Variants in GUCY1A2 observed in about 807,000 individuals in gnomAD.
The protein encoded by GUCY1A2 is guanylate cyclase soluble subunit alpha-2.
Under a neutral mutation model 63.5 loss-of-function variants are expected in GUCY1A2, and 27 were observed. The ratio of observed to expected loss-of-function variants is 0.43; its 90% CI spans 0.31 to 0.59. The LOEUF (loss-of-function observed/expected upper bound fraction) is 0.59, where lower values mean the gene tolerates loss of function less well. Among genes scored for constraint, GUCY1A2 ranks in the 20% least tolerant of loss-of-function variants. The probability of loss-of-function intolerance (pLI) is 0.11; values close to 1 mark genes in which losing one functional copy is unlikely to be tolerated. For missense variants in GUCY1A2, 768 were observed against 913.3 expected, an observed-to-expected ratio of 0.84 and a Z score of 2.05; for synonymous variants, 364 against 343.5, an observed-to-expected ratio of 1.06 and a Z score of -0.66.
chr11:106,865,806 A>G (rs150972703), intron 4 of GUCY1A2, among the ~76,000 whole-genome samples: 1,611 of 151,934 alleles, frequency 0.011, 23 homozygotes, highest in African/African-American at 0.035. Flanking sequence ...TAATAATAAT[A>G]ATAATAAAAA....
At chr11:106,828,372 G>C (rs558124654) in intron 4 of GUCY1A2, among the ~76,000 whole-genome samples, 1 of 151,806 alleles carries the variant, frequency 6.6e-6, no homozygotes, top group Non-Finnish European at 1.5e-5. Flanking sequence ...GTTGATTTTT[G>C]ATTATGATGA....
Position 106,680,101 on chromosome 11 carries a change from A to T in GUCY1A2, c.*7448T>A, listed in dbSNP as rs927028112. ...CTACATCTTCCTGAATAAAAAACTA[A>T]CTCTCTTTGCTTCATCTCTTCTAAA... On this transcript the variant is annotated 3_prime_UTR_variant, in exon 8 of 8. Coordinates refer to ENST00000526355, the MANE Select transcript of GUCY1A2 (RefSeq NM_000855.3). 3 of 215,466 alleles carry T rather than the reference A, an allele frequency of 1.4e-5. No individual in the cohort carries two copies. In the Admixed American group the frequency reaches 1.8e-4, roughly 13 times the overall value. 13.3% of individuals were successfully genotyped at this position (215,466 alleles called of 1,614,324 possible).
intron 4 of GUCY1A2, among the ~76,000 whole-genome samples, chr11:106,888,616 T>A (rs536531459): frequency 6.6e-6 from 1 of 152,238 alleles, no homozygotes; most frequent in African/African-American, 2.4e-5. Flanking sequence ...CTATCCTTTA[T>A]AGCCAACAGG....
At position 106,790,215 on chromosome 11, in the gene GUCY1A2, C is replaced by T. The variant is rs998583731; in HGVS notation, c.1693-13633G>A. ...AGCTGGCCCTGAAACCATGATACAC[C>T]TTCCTACTCTTCCCTCCCCTTTCCA... On this transcript the variant is annotated intron_variant, in intron 5 of 7. Coordinates refer to ENST00000526355, the MANE Select transcript of GUCY1A2 (RefSeq NM_000855.3). 3.3e-5 allele frequency among the ~76,000 whole-genome samples: 5 copies of T among 152,022 alleles called. No homozygotes were observed. The South Asian group carries it at 1.0e-3, about 32-fold the overall frequency.
At chr11:106,794,141 C>T (rs1306918578) in intron 5 of GUCY1A2, among the ~76,000 whole-genome samples, 1 of 151,990 alleles carries the variant, frequency 6.6e-6, no homozygotes, top group African/African-American at 2.4e-5. Flanking sequence ...CACACACACA[C>T]AGATGTATGT....
intron 5 of GUCY1A2, among the ~76,000 whole-genome samples, chr11:106,795,893 A>G (rs1300959293): frequency 6.6e-6 from 1 of 151,780 alleles, no homozygotes; most frequent in Non-Finnish European, 1.5e-5. Context: ...ATAGAATCTA[A>G]TGTTGACAGT....
At chr11:106,959,261 A>C (rs1456875287) in intron 3 of GUCY1A2, among the ~76,000 whole-genome samples, 2 of 152,192 alleles carry the variant, frequency 1.3e-5, no homozygotes, top group African/African-American at 2.4e-5. Flanking sequence ...AAATATATAC[A>C]TGAATTCTTT....
chr11:106,891,761 A>C (rs1418776302), intron 4 of GUCY1A2, among the ~76,000 whole-genome samples: 1 of 152,132 alleles, frequency 6.6e-6, no homozygotes, highest in Non-Finnish European at 1.5e-5. Context: ...CTGTTCCACT[A>C]ATCTATCAGT....
At chr11:106,987,991 G>T (rs1861423638) in intron 1 of GUCY1A2, among the ~76,000 whole-genome samples, 1 of 152,144 alleles carries the variant, frequency 6.6e-6, no homozygotes. Context: ...CAAAGGAGAG[G>T]TACAGAGCAA....
rs915412332 is a variant in GUCY1A2, at chr11:106,681,057, T to A, written c.*6492A>T. On this transcript the variant is annotated 3_prime_UTR_variant, in exon 8 of 8. Coordinates refer to ENST00000526355, the MANE Select transcript of GUCY1A2 (RefSeq NM_000855.3). Reference sequence around the variant, plus strand: ...TATCATTGACTATGCCACATTCTATTAAAATTGTATTTTAAGTAGACTAAA... The same window carrying A: ...TATCATTGACTATGCCACATTCTATAAAAATTGTATTTTAAGTAGACTAAA... 1.4e-5 allele frequency: 3 copies of A among 207,794 alleles called. No individual in the cohort carries two copies. The highest frequency in any genetic ancestry group is 2.3e-5 in the African/African-American group (1 of 43,898). The allele number at this position is 207,794 out of a possible 1,614,324, so 12.9% of individuals were successfully genotyped here. A position where few individuals can be genotyped will look rare whatever the true frequency, so the allele number is the denominator to read the frequency against.
At position 106,776,597 on chromosome 11, in the gene GUCY1A2, C is replaced by G; in HGVS notation, c.1693-15G>C. 6.2e-7 allele frequency: 1 copy of G among 1,610,256 alleles called. No individual in the cohort carries two copies. The highest frequency in any genetic ancestry group is 8.5e-7 in the Non-Finnish European group (1 of 1,177,546). ...ATTGTTTCCACCTGCAGCAATCAGA[C>G]AAATCAAATGCAAACGTATGATAAT... On this transcript the variant is annotated splice_polypyrimidine_tract_variant and intron_variant, in intron 5 of 7. Coordinates refer to ENST00000526355, the MANE Select transcript of GUCY1A2 (RefSeq NM_000855.3).
At chr11:106,843,823 C>T (rs1859233595) in intron 4 of GUCY1A2, among the ~76,000 whole-genome samples, 1 of 151,798 alleles carries the variant, frequency 6.6e-6, no homozygotes, top group Admixed American at 6.6e-5. Flanking sequence ...TGTCTCCTTC[C>T]TATCCTTATT....
At chr11:106,754,492 C>G (rs1003983209) in intron 6 of GUCY1A2, among the ~76,000 whole-genome samples, 5 of 151,952 alleles carry the variant, frequency 3.3e-5, no homozygotes, top group African/African-American at 9.7e-5. Flanking sequence ...GGCTGTGGGT[C>G]TGTCATAAAT....
intron 5 of GUCY1A2, among the ~76,000 whole-genome samples, chr11:106,793,313 T>G (rs1864695325): frequency 6.6e-6 from 1 of 151,994 alleles, no homozygotes; most frequent in Admixed American, 6.6e-5. Context: ...GGAAATGAAA[T>G]TAGATCCTTC....
rs1862375589 is a variant in GUCY1A2 at position 106,678,108 on chromosome 11, A to G, written c.*9441T>C. On this transcript the variant is annotated 3_prime_UTR_variant, in exon 8 of 8. Coordinates refer to ENST00000526355, the MANE Select transcript of GUCY1A2 (RefSeq NM_000855.3). ...TAATAATAATTTTTACACAGGAACAAAAATTAAAGAATTTTTCTAAAAGTC... is the reference window on the plus strand; with the variant it reads ...TAATAATAATTTTTACACAGGAACAGAAATTAAAGAATTTTTCTAAAAGTC... The G allele has an allele frequency of 5.0e-6, 1 of 198,590 alleles. No homozygotes were observed. Among genetic ancestry groups the G allele is most frequent in the African/African-American group, 2.3e-5 (1 of 43,420 alleles). 12.3% of individuals were successfully genotyped at this position (198,590 alleles called of 1,614,324 possible).
Position 106,708,681 on chromosome 11 carries a change from A to G in GUCY1A2, c.1837-15T>C, listed in dbSNP as rs777174368. The G allele has an allele frequency of 6.4e-7, 1 of 1,552,994 alleles. No individual in the cohort carries two copies. The highest frequency in any genetic ancestry group is 1.2e-5 in the South Asian group (1 of 84,528). ...CCTATCCTCATCTAAAGAAGAATGAAAGAGGAAAAGGAACATATTTGTTTC... is the reference window on the plus strand; with the variant it reads ...CCTATCCTCATCTAAAGAAGAATGAGAGAGGAAAAGGAACATATTTGTTTC... On this transcript the variant is annotated splice_polypyrimidine_tract_variant and intron_variant, in intron 6 of 7. Transcript: ENST00000526355.
chr11:106,900,027 A>G (rs1379922201), intron 4 of GUCY1A2, among the ~76,000 whole-genome samples: 2 of 149,350 alleles, frequency 1.3e-5, no homozygotes, highest in Non-Finnish European at 3.0e-5. Flanking sequence ...CAGAGCTTGC[A>G]GTGAGCTAAG....
intron 6 of GUCY1A2, among the ~76,000 whole-genome samples, chr11:106,728,131 T>C (rs1863439382): frequency 6.6e-6 from 1 of 152,220 alleles, no homozygotes; most frequent in Non-Finnish European, 1.5e-5. Flanking sequence ...GTTTACTAAA[T>C]TCCCCAAATA....
At chr11:106,958,767 G>C (rs1421454046) in intron 3 of GUCY1A2, among the ~76,000 whole-genome samples, 3 of 152,146 alleles carry the variant, frequency 2.0e-5, no homozygotes, top group Non-Finnish European at 4.4e-5. Flanking sequence ...TTTATGCCAG[G>C]ATTACAGTCT....
Sources: allele counts gnomAD v4.1 joint callset (sites outside exome capture counted in the v4.1 genomes callset), GRCh38; gene constraint gnomAD v4.1.1; transcripts MANE v1.5; gene names NCBI Gene and HGNC (gene_info 2026-07-23, HGNC 2026-07-21).